Variants in MAZ observed in about 807,000 individuals in gnomAD.
MAZ encodes MYC associated zinc finger protein.
Under a neutral mutation model 32.7 loss-of-function variants are expected in MAZ, and 4 were observed. The ratio of observed to expected loss-of-function variants is 0.12; its 90% CI spans 0.06 to 0.28. The LOEUF is 0.28. Ranked by LOEUF, MAZ falls within the 10% of genes least tolerant of loss-of-function variation. The pLI, the probability that MAZ is intolerant of heterozygous loss-of-function variation, is 1.00. For synonymous variants in MAZ, 510 were observed against 297.6 expected, an observed-to-expected ratio of 1.71 and a Z score of -7.35; for missense variants, 763 against 667.2, an observed-to-expected ratio of 1.14 and a Z score of -1.58.
rs549133607 is a variant in MAZ, at chr16:29,810,489, G to T, written c.*258G>T. On this transcript the variant is annotated 3_prime_UTR_variant, in exon 5 of 5. Transcript: ENST00000322945. Reference sequence around the variant, plus strand: ...TGAAGTCCCCTGGACAGTGGGCAGGGGTGGCAGAGGACACGAGCAGCCACT... The same window carrying T: ...TGAAGTCCCCTGGACAGTGGGCAGGTGTGGCAGAGGACACGAGCAGCCACT... 7 of 702,774 alleles carry T rather than the reference G, an allele frequency of 1.0e-5. No individual in the cohort carries two copies. Among genetic ancestry groups the T allele is most frequent in the African/African-American group, 3.5e-5 (2 of 57,172 alleles). 43.5% of individuals were successfully genotyped at this position (702,774 alleles called of 1,614,324 possible).
Position 29,807,068 on chromosome 16 carries a change from T to C in MAZ, c.283T>C (p.Ser95Pro). 2.0e-6 allele frequency: 2 copies of C among 1,020,074 alleles called. No individual in the cohort carries two copies. Among genetic ancestry groups the C allele is most frequent in the Non-Finnish European group, 2.3e-6 (2 of 857,688 alleles). The allele number at this position is 1,020,074 out of a possible 1,614,324, so 63.2% of individuals were successfully genotyped here. A position where few individuals can be genotyped will look rare whatever the true frequency, so the allele number is the denominator to read the frequency against. The change falls in exon 2 of 5, where the codon TCC becomes CCC. Residue 95 changes from serine to proline, a missense_variant. Ser to Pro is a moderately conservative substitution (Grantham distance 74). Transcript: ENST00000322945. ...LLPVLAAAQE[S>P]AAAAAAAAAA... ...CCCGGTGCTCGCCGCCGCCCAGGAGTCCGCCGCGGCTGCTGCGGCCGCTGC... is the reference window on the plus strand; with the variant it reads ...CCCGGTGCTCGCCGCCGCCCAGGAGCCCGCCGCGGCTGCTGCGGCCGCTGC...
intron 2 of MAZ, 84 bp downstream of exon 2, chr16:29,807,912 G>A (rs758910504): frequency 3.9e-6 from 6 of 1,542,920 alleles, no homozygotes; most frequent in Non-Finnish European, 5.2e-6. Context: ...TGGCGGGGAG[G>A]GAGGCGGCTG....
At chr16:29,808,793 C>T (rs1899718353) in intron 4 of MAZ, 52 bp downstream of exon 4, 1 of 1,578,052 alleles carries the variant, frequency 6.3e-7, no homozygotes, top group Admixed American at 1.8e-5. Context: ...GGGCGCCTGG[C>T]CAGACGCCTT....
intron 4 of MAZ, chr16:29,809,015 A>G: frequency 1.8e-6 from 1 of 551,672 alleles, no homozygotes; most frequent in Admixed American, 3.5e-5. Flanking sequence ...GGGAAGGAGT[A>G]GTCAAGAAAG....
In MAZ at chr16:29,808,062, G is replaced by A. The variant is rs767467529; in HGVS notation, c.1044-168G>A. On this transcript the variant is annotated intron_variant, in intron 2 of 4. Transcript: ENST00000322945. ...CTTCGCGTGGGAGGAGGCGGCGGCG[G>A]CGGCAGCGGCTGCTGGGCTCCAGGG... The A allele has an allele frequency of 3.0e-6, 3 of 988,038 alleles. No individual in the cohort carries two copies. The African/African-American group carries it at 4.9e-5, about 16-fold the overall frequency. 61.2% of individuals were successfully genotyped at this position (988,038 alleles called of 1,614,324 possible).
At chr16:29,809,524 A>G in intron 4 of MAZ, 5 of 1,559,006 alleles carry the variant, frequency 3.2e-6, no homozygotes, top group African/African-American at 1.4e-5. Context: ...CCCCATCCCA[A>G]TCCACCCCCC....
At chr16:29,808,042 C>A in intron 2 of MAZ, 188 bp from the exon 3 acceptor site, 1 of 1,057,840 alleles carries the variant, frequency 9.5e-7, no homozygotes, top group Non-Finnish European at 1.4e-6. Flanking sequence ...GGAAGCTTCG[C>A]GTGGGAGGAG....
Position 29,810,985 on chromosome 16 carries a change from C to G in MAZ, c.*754C>G, listed in dbSNP as rs1474779294. ...GGGCGGGGGAATGCAGCCAGTGTCC[C>G]CCTCCCCTCTTCCACCCCAGCTCCA... On this transcript the variant is annotated 3_prime_UTR_variant, in exon 5 of 5. Transcript: ENST00000322945. 4.5e-6 allele frequency: 2 copies of G among 440,472 alleles called. No individual in the cohort carries two copies. The highest frequency in any genetic ancestry group is 1.6e-5 in the South Asian group (1 of 61,724). The allele number at this position is 440,472 out of a possible 1,614,324, so 27.3% of individuals were successfully genotyped here.
chr16:29,810,547 G>A lies in MAZ; in HGVS notation c.*316G>A, dbSNP rs11144. On this transcript the variant is annotated 3_prime_UTR_variant, in exon 5 of 5. Transcript: ENST00000322945. Reference sequence around the variant, plus strand: ...CCCCCTCTCCTCTCTGTAAGCCCATGCCCTGTCTTCCCAGGGACTTGTGAG... The same window carrying A: ...CCCCCTCTCCTCTCTGTAAGCCCATACCCTGTCTTCCCAGGGACTTGTGAG... The A allele has an allele frequency of 9.5e-3, 6,628 of 700,452 alleles. 287 individuals carry two copies. In the African/African-American group the frequency reaches 0.097, roughly 10 times the overall value. The allele number at this position is 700,452 out of a possible 1,614,324, so 43.4% of individuals were successfully genotyped here.
chr16:29,811,021 T>G lies in MAZ; in HGVS notation c.*790T>G, dbSNP rs188467095. On this transcript the variant is annotated 3_prime_UTR_variant, in exon 5 of 5. Coordinates refer to ENST00000322945, the MANE Select transcript of MAZ (RefSeq NM_002383.4). ...TCCACCCCAGCTCCAGCCCTGGTCT[T>G]GTCTTTTCATCCCTCTTCCCCACGA... 4 of 453,832 alleles carry G rather than the reference T, an allele frequency of 8.8e-6. No individual in the cohort carries two copies. The highest frequency in any genetic ancestry group is 1.4e-4 in the East Asian group (2 of 14,286). The allele number at this position is 453,832 out of a possible 1,614,324, so 28.1% of individuals were successfully genotyped here. A position where few individuals can be genotyped will look rare whatever the true frequency, so the allele number is the denominator to read the frequency against.
At chr16:29,808,816 G>C in intron 4 of MAZ, 75 bp downstream of exon 4, 1 of 1,470,762 alleles carries the variant, frequency 6.8e-7, no homozygotes, top group Non-Finnish European at 9.2e-7. Flanking sequence ...CACGGATACG[G>C]GTTAAGGGTG....
Position 29,810,630 on chromosome 16 carries a change from G to T in MAZ, c.*399G>T. ...CAGTCCTCTCCCCCTGCTGTCTGCA[G>T]CCCCTCCCCGGGGAGTTGGTGCTTT... On this transcript the variant is annotated 3_prime_UTR_variant, in exon 5 of 5. Coordinates refer to ENST00000322945, the MANE Select transcript of MAZ (RefSeq NM_002383.4). 1.6e-6 allele frequency: 1 copy of T among 614,702 alleles called. No individual in the cohort carries two copies. Among genetic ancestry groups the T allele is most frequent in the Middle Eastern group, 2.5e-4 (1 of 3,948 alleles). The allele number at this position is 614,702 out of a possible 1,614,324, so 38.1% of individuals were successfully genotyped here. A position where few individuals can be genotyped will look rare whatever the true frequency, so the allele number is the denominator to read the frequency against.
In MAZ at chr16:29,810,964, G is replaced by A. The variant is rs959782336; in HGVS notation, c.*733G>A. On this transcript the variant is annotated 3_prime_UTR_variant, in exon 5 of 5. Coordinates refer to ENST00000322945, the MANE Select transcript of MAZ (RefSeq NM_002383.4). ...GGGCCTAGAGGTGCTTCCTGGGGGC[G>A]GGGGAATGCAGCCAGTGTCCCCCTC... 20 of 419,274 alleles carry A rather than the reference G, an allele frequency of 4.8e-5. No homozygotes were observed. Among genetic ancestry groups the A allele is most frequent in the African/African-American group, 8.2e-5 (4 of 49,008 alleles). 26.0% of individuals were successfully genotyped at this position (419,274 alleles called of 1,614,324 possible). A position where few individuals can be genotyped will look rare whatever the true frequency, so the allele number is the denominator to read the frequency against.
At chr16:29,809,486 T>G in intron 4 of MAZ, 3 of 1,137,308 alleles carry the variant, frequency 2.6e-6, no homozygotes, top group Non-Finnish European at 4.0e-6. Flanking sequence ...CAGCCCCGTC[T>G]CTGGGGTCTC....
At chr16:29,808,494 C>CT (rs903505683) in intron 3 of MAZ, 76 bp from the exon 4 acceptor site, 13 of 1,096,456 alleles carry the variant, frequency 1.2e-5, no homozygotes, top group African/African-American at 4.7e-5. Flanking sequence ...TTCCTTTAAT[C>CT]TCTTGCTCCC....
In MAZ at chr16:29,810,296, C is replaced by G; in HGVS notation, c.*65C>G. 6.8e-7 allele frequency: 1 copy of G among 1,474,384 alleles called. No homozygotes were observed. Among genetic ancestry groups the G allele is most frequent in the Non-Finnish European group, 9.3e-7 (1 of 1,079,720 alleles). 91.3% of individuals were successfully genotyped at this position (1,474,384 alleles called of 1,614,324 possible). A position where few individuals can be genotyped will look rare whatever the true frequency, so the allele number is the denominator to read the frequency against. Reference sequence around the variant, plus strand: ...GAGTCCCTTGGTACAAGCTCCTCTCCCCCCTCTTTTCCCACCAACTCCTAT... The same window carrying G: ...GAGTCCCTTGGTACAAGCTCCTCTCGCCCCTCTTTTCCCACCAACTCCTAT... On this transcript the variant is annotated 3_prime_UTR_variant, in exon 5 of 5. Transcript: ENST00000322945.
intron 4 of MAZ, chr16:29,809,334 G>C (rs1037407418): frequency 2.8e-5 from 16 of 581,800 alleles, no homozygotes; most frequent in South Asian, 8.6e-5. Flanking sequence ...AGGCTGAGAA[G>C]CGGGCACCAC....
chr16:29,806,617 G>A lies in MAZ; in HGVS notation c.-85G>A, dbSNP rs1899467612. Reference sequence around the variant, plus strand: ...TCGGCGCGGCCCAGCCCGGCCGGCCGGGGGCGGCGCCCCGAGCCCGGGCCC... The same window carrying A: ...TCGGCGCGGCCCAGCCCGGCCGGCCAGGGGCGGCGCCCCGAGCCCGGGCCC... On this transcript the variant is annotated 5_prime_UTR_variant, in exon 1 of 5. Transcript: ENST00000322945. 33 of 964,150 alleles carry A rather than the reference G, an allele frequency of 3.4e-5. No homozygotes were observed. The highest frequency in any genetic ancestry group is 3.6e-5 in the Non-Finnish European group (29 of 816,564). 59.7% of individuals were successfully genotyped at this position (964,150 alleles called of 1,614,324 possible).
Position 29,807,619 on chromosome 16 carries a change from C to A in MAZ, c.834C>A (p.Asn278Lys), listed in dbSNP as rs1301912755. The A allele has an allele frequency of 6.2e-7, 1 of 1,612,586 alleles. No individual in the cohort carries two copies. Among genetic ancestry groups the A allele is most frequent in the East Asian group, 2.2e-5 (1 of 44,828 alleles). The change falls in exon 2 of 5, where the codon AAC (asparagine) becomes AAA (lysine). Residue 278 changes from asparagine (N) to lysine (K), a missense_variant. Physicochemically the swap from Asn to Lys is moderately conservative, Grantham distance 94 (BLOSUM62 0). Coordinates refer to ENST00000322945, the MANE Select transcript of MAZ (RefSeq NM_002383.4). Reference protein sequence around the residue: ...TTASGKRIRKNHACEMCGKAF... With the variant: ...TTASGKRIRKKHACEMCGKAF... Reference sequence around the variant, plus strand: ...CCTCGGGGAAGCGCATCCGGAAGAACCATGCCTGCGAGATGTGTGGCAAGG... The same window carrying A: ...CCTCGGGGAAGCGCATCCGGAAGAAACATGCCTGCGAGATGTGTGGCAAGG...
Sources: allele counts gnomAD v4.1 joint callset, GRCh38; gene constraint gnomAD v4.1.1; transcripts MANE v1.5; gene names NCBI Gene and HGNC (gene_info 2026-07-23, HGNC 2026-07-21).